KIAA1217: variants seen among roughly 807,000 people sequenced by gnomAD.
The protein encoded by KIAA1217 is KIAA1217.
Under a neutral mutation model 163.9 loss-of-function variants are expected in KIAA1217, and 88 were observed. The observed-to-expected ratio is 0.54, with a 90% CI of 0.45 to 0.64. KIAA1217 has a LOEUF of 0.64. Among genes scored for constraint, KIAA1217 ranks in the 30% least tolerant of loss-of-function variants. The probability of loss-of-function intolerance (pLI) is 0.00; values close to 1 mark genes in which losing one functional copy is unlikely to be tolerated. For synonymous variants in KIAA1217, 903 were observed against 923.1 expected, an observed-to-expected ratio of 0.98 and a Z score of 0.39; for missense variants, 2,372 against 2,475.0, an observed-to-expected ratio of 0.96 and a Z score of 0.88.
intron 9 of KIAA1217, 80 bp from the exon 10 acceptor site, chr10:24,513,179 C>T: frequency 2.2e-6 from 3 of 1,364,830 alleles, no homozygotes; most frequent in South Asian, 2.5e-5. Context: ...ACCCAAAGTG[C>T]TCCGAAGACT....
chr10:24,536,990 GT>G, intron 17 of KIAA1217, 97 bp downstream of exon 17: 1 of 1,403,090 alleles, frequency 7.1e-7, no homozygotes, highest in Non-Finnish European at 9.7e-7. Context: ...TGTCCCCTCT[GT>G]CTTTTTTCTC....
At chr10:24,155,585 C>T (rs777231327) in intron 2 of KIAA1217, among the ~76,000 whole-genome samples, 16 of 152,066 alleles carry the variant, frequency 1.1e-4, no homozygotes, top group Non-Finnish European at 2.1e-4. Context: ...CTTTAGGAGG[C>T]CGAGGTGGGC....
chr10:23,972,839 C>T (rs996998971), intron 1 of KIAA1217, among the ~76,000 whole-genome samples: 1 of 152,124 alleles, frequency 6.6e-6, no homozygotes, highest in African/African-American at 2.4e-5. Context: ...CCATCATCCT[C>T]AGCAAACTAA....
intron 2 of KIAA1217, among the ~76,000 whole-genome samples, chr10:24,184,087 G>A (rs2066309175): frequency 6.6e-6 from 1 of 152,192 alleles, no homozygotes; most frequent in Non-Finnish European, 1.5e-5. Flanking sequence ...GGTTATTCTT[G>A]TGTTTACTTT....
At chr10:24,074,854 A>G (rs986347694) in intron 2 of KIAA1217, among the ~76,000 whole-genome samples, 5 of 151,828 alleles carry the variant, frequency 3.3e-5, no homozygotes. Context: ...TTGCATCAAC[A>G]TGCTTGGCTA....
chr10:24,060,731 G>C (rs2060691036), intron 2 of KIAA1217, among the ~76,000 whole-genome samples: 1 of 152,140 alleles, frequency 6.6e-6, no homozygotes, highest in Non-Finnish European at 1.5e-5. Flanking sequence ...CAGAGTTCCA[G>C]TTTATAGTGA....
In KIAA1217 at chr10:23,892,467, G is replaced by A. The variant is rs116302164; in HGVS notation, c.-320-114758G>A. Among the ~76,000 whole-genome samples the A allele has an allele frequency of 8.2e-3, 1,247 of 151,956 alleles. 17 individuals are homozygous for A. Among genetic ancestry groups the A allele is most frequent in the African/African-American group, 0.029 (1,204 of 41,478 alleles). On this transcript the variant is annotated intron_variant, in intron 1 of 18. Transcript: ENST00000376462. ...TGAGATTTGTGGTACATTTGGTTTG[G>A]CCAGTGAGTCATCTCTCATAATATG...
At chr10:24,402,516 C>CAAACAAAAAAAAAAAAA (rs1554849270) in intron 3 of KIAA1217, among the ~76,000 whole-genome samples, 1 of 92,980 alleles carries the variant, frequency 1.1e-5, no homozygotes, top group African/African-American at 4.3e-5. Context: ...CTCAAAAAAA[C>CAAACAAAAAAAAAAAAA]AAAAAACAAA....
At chr10:24,188,119 C>G (rs1236013327) in intron 2 of KIAA1217, among the ~76,000 whole-genome samples, 2 of 152,166 alleles carry the variant, frequency 1.3e-5, no homozygotes, top group African/African-American at 2.4e-5. Context: ...ATCGCTCAAG[C>G]CTGGGAGGCA....
chr10:24,320,903 C>T (rs1357006337), intron 2 of KIAA1217, among the ~76,000 whole-genome samples: 3 of 151,954 alleles, frequency 2.0e-5, no homozygotes, highest in African/African-American at 4.8e-5. Flanking sequence ...CAAAATTAGC[C>T]GGGTGTGGTG....
chr10:23,854,714 T>A (rs1188921957), intron 1 of KIAA1217, among the ~76,000 whole-genome samples: 10 of 152,206 alleles, frequency 6.6e-5, no homozygotes, highest in Admixed American at 6.5e-4. Flanking sequence ...TGGGTGCATA[T>A]ATATTTAGGA....
At chr10:24,423,289 CTT>C (rs71506831) in intron 3 of KIAA1217, among the ~76,000 whole-genome samples, 1 of 139,610 alleles carries the variant, frequency 7.2e-6, no homozygotes. Flanking sequence ...CTTTAAAGCA[CTT>C]TTTTTTTTTT....
chr10:23,729,755 C>G (rs1174219992), intron 1 of KIAA1217, among the ~76,000 whole-genome samples: 1 of 152,088 alleles, frequency 6.6e-6, no homozygotes, highest in African/African-American at 2.4e-5. Context: ...AATTTCTTGA[C>G]AGTGTCTTTC....
In KIAA1217 at chr10:23,761,622, T is replaced by G. The variant is rs545569569; in HGVS notation, c.-321+66388T>G. Among the ~76,000 whole-genome samples, 11 of 152,314 alleles carry G rather than the reference T, an allele frequency of 7.2e-5. No homozygotes were observed. The South Asian group carries it at 2.3e-3, about 32-fold the overall frequency. The stretch of plus-strand genomic sequence containing the variant: ...TTGCACTGTGATCTTAGAGAGGCTG[T>G]TTGTTATGATTTCACTTCTTTTGCA... On this transcript the variant is annotated intron_variant, in intron 1 of 18. Coordinates refer to the KIAA1217 transcript ENST00000376462.
chr10:24,040,825 A>G (rs1341786653), intron 2 of KIAA1217, among the ~76,000 whole-genome samples: 1 of 152,214 alleles, frequency 6.6e-6, no homozygotes, highest in East Asian at 1.9e-4. Context: ...TTTGAAAAAG[A>G]CGGGCTAAGG....
intron 1 of KIAA1217, among the ~76,000 whole-genome samples, chr10:24,213,986 A>AC (rs2068488303): frequency 1.0e-5 from 1 of 96,254 alleles, no homozygotes; most frequent in Non-Finnish European, 2.1e-5. Flanking sequence ...CCCCATCTCT[A>AC]CAAAAAAAAA....
intron 1 of KIAA1217, among the ~76,000 whole-genome samples, chr10:23,711,570 G>A (rs572567776): frequency 6.6e-6 from 1 of 152,178 alleles, no homozygotes; most frequent in Admixed American, 6.5e-5. Flanking sequence ...GCTAGTAAGT[G>A]TGTGATTTCT....
At chr10:23,909,974 G>A (rs764180742) in intron 1 of KIAA1217, among the ~76,000 whole-genome samples, 3 of 152,066 alleles carry the variant, frequency 2.0e-5, no homozygotes, top group Non-Finnish European at 2.9e-5. Context: ...CCTGACTTTT[G>A]AATGATCGCC....
intron 2 of KIAA1217, among the ~76,000 whole-genome samples, chr10:24,099,434 A>C (rs1041565744): frequency 6.9e-6 from 1 of 144,084 alleles, no homozygotes; most frequent in Non-Finnish European, 1.5e-5. Flanking sequence ...AACATGCAGT[A>C]TTTGGTTTTC....
Sources: gnomAD v4.1 joint callset for allele counts (sites outside exome capture counted in the v4.1 genomes callset) on GRCh38, gnomAD v4.1.1 for gene constraint, MANE v1.5 for transcripts, NCBI Gene and HGNC (gene_info 2026-07-23, HGNC 2026-07-21) for gene names.